Variants in DPYD observed in about 807,000 individuals in gnomAD.
DPYD encodes dihydropyrimidine dehydrogenase [NADP(+)].
In DPYD, 109 loss-of-function variants were observed where a neutral mutation model predicts 116.2. The ratio of observed to expected loss-of-function variants is 0.94; its 90% CI spans 0.80 to 1.10. The LOEUF (loss-of-function observed/expected upper bound fraction) is 1.10, where lower values mean the gene tolerates loss of function less well. Among genes scored for constraint, DPYD ranks in the 50% least tolerant of loss-of-function variants. DPYD has a pLI of 0.00. For missense variants in DPYD, 1,302 were observed against 1,254.5 expected, an observed-to-expected ratio of 1.04 and a Z score of -0.57; for synonymous variants, 440 against 432.0, an observed-to-expected ratio of 1.02 and a Z score of -0.23.
At chr1:97,749,194 G>C (rs1664732645) in intron 3 of DPYD, among the ~76,000 whole-genome samples, 1 of 152,232 alleles carries the variant, frequency 6.6e-6, no homozygotes. Context: ...GACAAAATAG[G>C]CTATCCATGT....
At chr1:97,113,777 A>T (rs900977863) in intron 20 of DPYD, among the ~76,000 whole-genome samples, 7 of 152,156 alleles carry the variant, frequency 4.6e-5, no homozygotes, top group African/African-American at 1.7e-4. Flanking sequence ...ACAATAAACA[A>T]GAAAATATAA....
intron 5 of DPYD, among the ~76,000 whole-genome samples, chr1:97,710,966 T>C (rs1361101733): frequency 1.3e-5 from 2 of 151,846 alleles, no homozygotes; most frequent in African/African-American, 4.8e-5. Context: ...CCTTTTTAAA[T>C]ACCAACACTG....
chr1:97,709,533 T>C (rs992951875), intron 5 of DPYD, among the ~76,000 whole-genome samples: 3 of 151,864 alleles, frequency 2.0e-5, no homozygotes, highest in Non-Finnish European at 2.9e-5. Flanking sequence ...AGAAAGTGCA[T>C]GTATTTCACC....
intron 20 of DPYD, among the ~76,000 whole-genome samples, chr1:97,143,104 T>C (rs2101699414): frequency 6.6e-6 from 1 of 152,160 alleles, no homozygotes; most frequent in East Asian, 1.9e-4. Context: ...ACAGGAATTA[T>C]ATTTAGATAT....
At position 97,539,604 on chromosome 1, in the gene DPYD, T is replaced by A. The variant is rs528827225; in HGVS notation, c.1524+9956A>T. On this transcript the variant is annotated intron_variant, in intron 12 of 22. Coordinates refer to ENST00000370192, the MANE Select transcript of DPYD (RefSeq NM_000110.4). ...CTTTTTAAACGTTGCATCTAAAATA[T>A]AGAGAATTGAAAACAATTCTTAATA... Among the ~76,000 whole-genome samples, 3 of 152,282 alleles carry A rather than the reference T, an allele frequency of 2.0e-5. No individual in the cohort carries two copies. The South Asian group carries it at 6.2e-4, about 32-fold the overall frequency.
intron 19 of DPYD, among the ~76,000 whole-genome samples, chr1:97,224,991 ATCTG>A (rs60008635): frequency 0.023 from 3,321 of 142,366 alleles, 57 homozygotes; most frequent in East Asian, 0.051. Flanking sequence ...CTATCTAACT[ATCTG>A]TCTGTCTGTC....
In DPYD at chr1:97,532,918, T is replaced by G. The variant is rs537323765; in HGVS notation, c.1524+16642A>C. Among the ~76,000 whole-genome samples the G allele has an allele frequency of 5.3e-3, 749 of 142,666 alleles. 6 individuals are homozygous for G. Among genetic ancestry groups the G allele is most frequent in the African/African-American group, 0.02 (704 of 36,032 alleles). 93.6% of individuals were successfully genotyped at this position (142,666 alleles called of 152,430 possible). On this transcript the variant is annotated intron_variant, in intron 12 of 22. Transcript: ENST00000370192. ...CTAACTTTGGGCTTAGTTGTTTTTT[T>G]TTTTTGTTGTTGTTGTTGTTTTGTT...
chr1:97,449,217 T>C (rs1676258385), intron 14 of DPYD, among the ~76,000 whole-genome samples: 2 of 152,122 alleles, frequency 1.3e-5, no homozygotes, highest in Non-Finnish European at 1.5e-5. Flanking sequence ...GAAAGACATA[T>C]GTAGGTAAAA....
At chr1:97,580,942 G>T (rs1447736001) in intron 10 of DPYD, among the ~76,000 whole-genome samples, 1 of 151,944 alleles carries the variant, frequency 6.6e-6, no homozygotes, top group African/African-American at 2.4e-5. Flanking sequence ...ACTCGCATTT[G>T]GGGGATAAAA....
At chr1:97,764,235 A>T (rs889219486) in intron 3 of DPYD, among the ~76,000 whole-genome samples, 2 of 152,044 alleles carry the variant, frequency 1.3e-5, no homozygotes, top group Non-Finnish European at 2.9e-5. Context: ...AAATTGGAGA[A>T]TAAAGAAGGA....
intron 18 of DPYD, among the ~76,000 whole-genome samples, chr1:97,301,090 C>G (rs1666832895): frequency 6.6e-6 from 1 of 152,032 alleles, no homozygotes; most frequent in Non-Finnish European, 1.5e-5. Context: ...TCATTATTCA[C>G]TTGTAGACTC....
At chr1:97,448,974 GTTTAT>G (rs1470011056) in intron 14 of DPYD, among the ~76,000 whole-genome samples, 1 of 151,492 alleles carries the variant, frequency 6.6e-6, no homozygotes, top group African/African-American at 2.4e-5. Context: ...TTTATTTCAA[GTTTAT>G]TTTATTTCTA....
At chr1:97,758,125 T>C (rs1321734347) in intron 3 of DPYD, among the ~76,000 whole-genome samples, 2 of 152,162 alleles carry the variant, frequency 1.3e-5, no homozygotes, top group Admixed American at 6.6e-5. Context: ...TAACCCATAA[T>C]TGTCCCTCTG....
intron 18 of DPYD, among the ~76,000 whole-genome samples, chr1:97,289,134 C>T (rs920140204): frequency 2.0e-5 from 3 of 152,140 alleles, no homozygotes; most frequent in African/African-American, 7.2e-5. Context: ...AAGACTAAAC[C>T]AAGAAGAAGC....
intron 20 of DPYD, among the ~76,000 whole-genome samples, chr1:97,161,147 A>C (rs1289151730): frequency 6.6e-6 from 1 of 152,172 alleles, no homozygotes; most frequent in Admixed American, 6.6e-5. Flanking sequence ...CAGATTAGCG[A>C]TTAAATCGGC....
chr1:97,573,926 C>A lies in DPYD; in HGVS notation c.1173G>T (p.Leu391=). Residue 391 remains leucine (L), a synonymous_variant, in exon 11 of 23, where the codon CTG becomes CTT. Transcript: ENST00000370192. ...CTTTTACTATAACCTTCCGTGGGGA[C>A]AGGAATGGCAGAAATTCACACTTTT... is the stretch of plus-strand genomic sequence containing the variant. ...KEEKCEFLPF[L]SPRKVIVKGG... is the part of the protein sequence containing the mutation. 6.2e-7 allele frequency: 1 copy of A among 1,613,680 alleles called. No individual in the cohort carries two copies. The highest frequency in any genetic ancestry group is 8.5e-7 in the Non-Finnish European group (1 of 1,179,664).
intron 14 of DPYD, among the ~76,000 whole-genome samples, chr1:97,436,543 A>G (rs985622654): frequency 6.6e-6 from 1 of 151,908 alleles, no homozygotes; most frequent in African/African-American, 2.4e-5. Flanking sequence ...TCTCACCCCA[A>G]AGGCAGCCTG....
rs751268988 is a variant in DPYD, at chr1:97,632,167, GC to G, written c.851-37002del. Among the ~76,000 whole-genome samples, 7 of 152,174 alleles carry G rather than the reference GC, an allele frequency of 4.6e-5. No individual in the cohort carries two copies. In the South Asian group the frequency reaches 1.5e-3, roughly 32 times the overall value. ...GTCATCAATCACTACCTCATTACCAGCCCGTCATCTGGGCTTAGGCTAAATG... is the reference window on the plus strand; with the variant it reads ...GTCATCAATCACTACCTCATTACCAGCCGTCATCTGGGCTTAGGCTAAATG... On this transcript the variant is annotated intron_variant, in intron 8 of 22. Coordinates refer to ENST00000370192, the MANE Select transcript of DPYD (RefSeq NM_000110.4).
At chr1:97,447,285 G>A (rs1353500681) in intron 14 of DPYD, among the ~76,000 whole-genome samples, 1 of 152,202 alleles carries the variant, frequency 6.6e-6, no homozygotes, top group Non-Finnish European at 1.5e-5. Flanking sequence ...CGAGAATGAT[G>A]TGAAAAAACT....
Sources: allele counts gnomAD v4.1 joint callset (sites outside exome capture counted in the v4.1 genomes callset), GRCh38; gene constraint gnomAD v4.1.1; transcripts MANE v1.5; gene names NCBI Gene and HGNC (gene_info 2026-07-23, HGNC 2026-07-21).